FBXO34: variants seen among roughly 807,000 people sequenced by gnomAD.
FBXO34 encodes the protein F-box protein 34.
In FBXO34, 12 loss-of-function variants were observed where a neutral mutation model predicts 24.5. The observed-to-expected ratio is 0.49, with a 90% CI of 0.31 to 0.79. The LOEUF (loss-of-function observed/expected upper bound fraction) is 0.79. Among genes scored for constraint, FBXO34 ranks in the 30% least tolerant of loss-of-function variants. The probability of loss-of-function intolerance (pLI) is 0.04; values close to 1 mark genes in which losing one functional copy is unlikely to be tolerated. For synonymous variants in FBXO34, 320 were observed against 311.9 expected (o/e 1.03, Z -0.27); for missense variants, 823 against 857.7 (o/e 0.96, Z 0.51).
At chr14:55,330,061 C>T (rs1284612558) in intron 1 of FBXO34, among the ~76,000 whole-genome samples, 4 of 152,102 alleles carry the variant, frequency 2.6e-5, no homozygotes, top group Non-Finnish European at 5.9e-5. Flanking sequence ...ATTTAGAGTT[C>T]AGTGGCATCA....
At chr14:55,374,037 CAA>C (rs1053350402), downstream of FBXO34, among the ~76,000 whole-genome samples, 10 of 152,172 alleles carry the variant, frequency 6.6e-5, no homozygotes, top group Non-Finnish European at 8.8e-5. Flanking sequence ...AAACCTGACT[CAA>C]GAGTAAGCCT....
At chr14:55,336,458 C>A (rs1255331538) in intron 1 of FBXO34, among the ~76,000 whole-genome samples, 1 of 152,286 alleles carries the variant, frequency 6.6e-6, no homozygotes, top group East Asian at 1.9e-4. Flanking sequence ...AACTCCAAAT[C>A]GGACAGTTTG....
Position 55,351,018 on chromosome 14 carries a change from A to G in FBXO34, c.628A>G (p.Met210Val). 6.2e-7 allele frequency: 1 copy of G among 1,614,186 alleles called. No homozygotes were observed. The highest frequency in any genetic ancestry group is 8.5e-7 in the Non-Finnish European group (1 of 1,180,022). The change falls in exon 2 of 2, where the codon ATG (methionine) becomes GTG (valine). Residue 210 changes from methionine (M) to valine (V), a missense_variant. Physicochemically the swap from Met to Val is conservative, Grantham distance 21. Around this residue, in one of 2 missense-constraint regions of FBXO34, gnomAD observed 693 missense variants for 659.1 expected, o/e 1.05. Coordinates refer to ENST00000313833, the MANE Select transcript of FBXO34 (RefSeq NM_017943.4). Reference protein sequence around the residue: ...YAGRPLSVIQMVAFLEQRASA... With the variant: ...YAGRPLSVIQVVAFLEQRASA... ...TGGGAGGCCTCTGTCAGTTATACAG[A>G]TGGTTGCCTTCTTGGAGCAAAGAGC...
At chr14:55,364,013 T>C (rs891042495), downstream of FBXO34, among the ~76,000 whole-genome samples, 5 of 152,094 alleles carry the variant, frequency 3.3e-5, no homozygotes, top group Non-Finnish European at 7.4e-5. Context: ...GGTGTGATCT[T>C]GATCTCAGCT....
At chr14:55,291,815 A>C (rs1360557232) in intron 1 of FBXO34, among the ~76,000 whole-genome samples, 3 of 152,050 alleles carry the variant, frequency 2.0e-5, no homozygotes, top group African/African-American at 7.2e-5. Context: ...TAGAAAAAAA[A>C]TAGCTGGGCA....
chr14:55,298,520 C>A, intron 1 of FBXO34: 1 of 607,740 alleles, frequency 1.6e-6, no homozygotes, highest in Non-Finnish European at 3.0e-6. Flanking sequence ...TTTTATCCTA[C>A]CCCTACATTT....
the FBXO34 span, among the ~76,000 whole-genome samples, chr14:55,405,212 C>G: frequency 6.6e-6 from 1 of 152,064 alleles, no homozygotes; most frequent in African/African-American, 2.4e-5. Context: ...TAGATTTTTA[C>G]GGGCCACAGT....
At chr14:55,355,426 C>CTT, downstream of FBXO34, among the ~76,000 whole-genome samples, 1 of 152,212 alleles carries the variant, frequency 6.6e-6, no homozygotes, top group Non-Finnish European at 1.5e-5. Context: ...CTCTTCTTGT[C>CTT]TGTCACCGTA....
At chr14:55,436,963 A>G in the FBXO34 span, 3 of 1,614,232 alleles carry the variant, frequency 1.9e-6, no homozygotes, top group Non-Finnish European at 2.5e-6. Context: ...CAGTATGTAC[A>G]TATCATAAGG....
At chr14:55,295,351 C>T (rs1380551405) in intron 1 of FBXO34, among the ~76,000 whole-genome samples, 1 of 143,186 alleles carries the variant, frequency 7.0e-6, no homozygotes, top group Non-Finnish European at 1.5e-5. Context: ...ATTATCTATT[C>T]TATATAATGG....
the FBXO34 span, among the ~76,000 whole-genome samples, chr14:55,393,741 T>C: frequency 7.9e-5 from 12 of 152,034 alleles, no homozygotes; most frequent in African/African-American, 2.4e-4. Context: ...TTTGTAGATA[T>C]GGGGTTTTGC....
intron 1 of FBXO34, among the ~76,000 whole-genome samples, chr14:55,312,512 C>A (rs1480540288): frequency 6.6e-6 from 1 of 152,216 alleles, no homozygotes; most frequent in Non-Finnish European, 1.5e-5. Context: ...CCCCACATTT[C>A]CCTTCCGCAC....
At chr14:55,412,240 T>C in the FBXO34 span, among the ~76,000 whole-genome samples, 1 of 152,194 alleles carries the variant, frequency 6.6e-6, no homozygotes, top group East Asian at 1.9e-4. Context: ...GGCTGGGTCT[T>C]GGAACTAGGT....
At chr14:55,323,262 C>T (rs1238347998) in intron 1 of FBXO34, among the ~76,000 whole-genome samples, 2 of 116,098 alleles carry the variant, frequency 1.7e-5, no homozygotes, top group Non-Finnish European at 3.3e-5. Flanking sequence ...GACAGAGTCT[C>T]ACTTATGTTG....
At chr14:55,381,823 A>G in the FBXO34 span, 2 of 676,918 alleles carry the variant, frequency 3.0e-6, no homozygotes, top group South Asian at 3.9e-5. Flanking sequence ...TTGAAATGAC[A>G]TGGAGGTGAT....
At chr14:55,287,809 T>C (rs889411454) in intron 1 of FBXO34, among the ~76,000 whole-genome samples, 1 of 152,246 alleles carries the variant, frequency 6.6e-6, no homozygotes, top group South Asian at 2.1e-4. Context: ...TGTGATTTTA[T>C]AAACTAGCAT....
chr14:55,429,104 T>C, the FBXO34 span: 1 of 1,127,384 alleles, frequency 8.9e-7, no homozygotes, highest in Non-Finnish European at 1.2e-6. Context: ...GTAGGCTTTG[T>C]GAGGAGGACT....
chr14:55,372,245 A>G (rs933108791), downstream of FBXO34, among the ~76,000 whole-genome samples: 7 of 151,726 alleles, frequency 4.6e-5, no homozygotes, highest in Non-Finnish European at 5.9e-5. Context: ...CCCCCTTTCC[A>G]TTCTCAATTT....
At chr14:55,324,811 G>T (rs962832072) in intron 1 of FBXO34, among the ~76,000 whole-genome samples, 2 of 152,082 alleles carry the variant, frequency 1.3e-5, no homozygotes, top group African/African-American at 4.8e-5. Flanking sequence ...GTCTGTTTGG[G>T]CTGCTATTAT....
Sources: gnomAD v4.1 joint callset for allele counts (sites outside exome capture counted in the v4.1 genomes callset) on GRCh38, gnomAD v4.1.1 for gene constraint, gnomAD v4.1.1 regional missense constraint, MANE v1.5 for transcripts, NCBI Gene and HGNC (gene_info 2026-07-23, HGNC 2026-07-21) for gene names.